KCNC4: variants seen among roughly 807,000 people sequenced by gnomAD.
The protein encoded by KCNC4 is potassium voltage-gated channel subfamily C member 4.
A neutral mutation model predicts 42.8 loss-of-function variants in KCNC4; 23 were observed. The ratio of observed to expected loss-of-function variants is 0.54; its 90% CI spans 0.39 to 0.76. KCNC4 has a LOEUF of 0.76. KCNC4 is among the 30% of genes least tolerant of loss of function. The probability of loss-of-function intolerance (pLI) is 0.00; values close to 1 mark genes in which losing one functional copy is unlikely to be tolerated. For missense variants in KCNC4, 751 were observed against 898.2 expected, an observed-to-expected ratio of 0.84 and a Z score of 2.10; for synonymous variants, 422 against 393.5, an observed-to-expected ratio of 1.07 and a Z score of -0.86.
At chr1:110,241,408 C>T (rs941881933) in exon 4 of KCNC4, 2 of 152,144 alleles carry the variant, frequency 1.3e-5, no homozygotes, top group African/African-American at 4.8e-5. Flanking sequence ...GACCTTCTCT[C>T]AACTTGTGGA....
chr1:110,262,259 A>G (rs1411245932), intron 1 of KCNC4, among the ~76,000 whole-genome samples: 1 of 152,230 alleles, frequency 6.6e-6, no homozygotes. Context: ...TGTGATGCTT[A>G]TTGTATACTG....
chr1:110,232,562 G>A lies in KCNC4; in HGVS notation c.1820-349G>A. 3 of 1,435,198 alleles carry A rather than the reference G, an allele frequency of 2.1e-6. No homozygotes were observed. In the South Asian group the frequency reaches 4.5e-5, roughly 22 times the overall value. The allele number at this position is 1,435,198 out of a possible 1,614,324, so 88.9% of individuals were successfully genotyped here. A position where few individuals can be genotyped will look rare whatever the true frequency, so the allele number is the denominator to read the frequency against. ...CACTGGAGCTTTGAAGACCTAAGAGGCTAGTGGTTCCTGGAGCTAGTGGTT... is the reference window on the plus strand; with the variant it reads ...CACTGGAGCTTTGAAGACCTAAGAGACTAGTGGTTCCTGGAGCTAGTGGTT... On this transcript the variant is annotated intron_variant, in intron 3 of 3. Transcript: ENST00000438661.
intron 1 of KCNC4, among the ~76,000 whole-genome samples, chr1:110,282,376 C>G (rs1659842600): frequency 6.6e-6 from 1 of 152,238 alleles, no homozygotes; most frequent in Admixed American, 6.5e-5. Context: ...CTCTCTGCTT[C>G]TTTCTCTTCC....
intron 2 of KCNC4, chr1:110,225,740 C>T (rs988887585): frequency 1.3e-5 from 7 of 528,816 alleles, no homozygotes; most frequent in Non-Finnish European, 2.0e-5. Flanking sequence ...GTGGCTTCAT[C>T]CCTGAGGAGA....
At chr1:110,259,592 G>T (rs767607190) in intron 1 of KCNC4, among the ~76,000 whole-genome samples, 6 of 152,160 alleles carry the variant, frequency 3.9e-5, no homozygotes, top group Non-Finnish European at 7.4e-5. Context: ...CCAAGAGGCT[G>T]CATTTGGCCT....
rs1447191615 is a variant in KCNC4 at position 110,223,905 on chromosome 1, G to C, written c.1615+5G>C. ...TGATCGAGAGGAAACGGGCAGGTGA[G>C]ATTAGGGGTTGGGAAGGAAAATCCC... On this transcript the variant is annotated splice_donor_5th_base_variant and intron_variant, in intron 2 of 3. Coordinates refer to ENST00000438661, the MANE Select transcript of KCNC4 (RefSeq NM_001039574.3). This position sits in a 1 kb window ranked among gnomAD's most constrained non-coding sequence, Gnocchi z 7.5. The C allele has an allele frequency of 1.3e-6, 2 of 1,578,004 alleles. No individual in the cohort carries two copies. Among genetic ancestry groups the C allele is most frequent in the South Asian group, 2.3e-5 (2 of 85,658 alleles).
At chr1:110,253,323 T>A (rs1659275791), downstream of KCNC4, among the ~76,000 whole-genome samples, 1 of 152,248 alleles carries the variant, frequency 6.6e-6, no homozygotes, top group South Asian at 2.1e-4. Flanking sequence ...CCCTAAAGAA[T>A]AACAACCAAT....
At chr1:110,260,393 A>G (rs1659404030) in intron 1 of KCNC4, among the ~76,000 whole-genome samples, 1 of 152,254 alleles carries the variant, frequency 6.6e-6, no homozygotes. Flanking sequence ...TATATCATCT[A>G]TCAGGTTTCA....
chr1:110,257,353 T>G (rs879554511), intron 1 of KCNC4, among the ~76,000 whole-genome samples: 3 of 152,082 alleles, frequency 2.0e-5, no homozygotes, highest in Admixed American at 1.3e-4. Flanking sequence ...AACTTTTTCT[T>G]TAGTTCAGTC....
chr1:110,227,154 A>G (rs1224540182), intron 3 of KCNC4, among the ~76,000 whole-genome samples: 2 of 152,064 alleles, frequency 1.3e-5, no homozygotes, highest in Non-Finnish European at 2.9e-5. Context: ...AACCAGCTGG[A>G]TTTCCCATCC....
Position 110,214,163 on chromosome 1 carries a change from A to T in KCNC4, c.678+1986A>T, listed in dbSNP as rs4839249. On this transcript the variant is annotated intron_variant, in intron 1 of 3. Coordinates refer to ENST00000438661, the MANE Select transcript of KCNC4 (RefSeq NM_001039574.3). ...TGCTTTGCCCCTTTGACATGGAATC[A>T]CATCAGCCCAGGCATTCCAGTTGAG... is the stretch of plus-strand genomic sequence containing the variant. Among the ~76,000 whole-genome samples the T allele has an allele frequency of 5.7e-3, 870 of 152,362 alleles. 2 individuals are homozygous for T. Among genetic ancestry groups the T allele is most frequent in the Middle Eastern group, 0.014 (4 of 294 alleles).
intron 1 of KCNC4, among the ~76,000 whole-genome samples, chr1:110,275,786 G>A (rs968524723): frequency 1.3e-5 from 2 of 151,680 alleles, no homozygotes; most frequent in African/African-American, 2.4e-5. Context: ...GTGAAACCCC[G>A]TCTCTACTAA....
In KCNC4 at chr1:110,214,879, AGGGTACTATGCCATGC is replaced by A. The variant is rs1657688526; in HGVS notation, c.678+2706_678+2721del. ...TTACTGTATTACCCCTCCAGGCCTG[AGGGTACTATGCCATGC>A]GGGGAGTTCTGGGGCTGCACTTTCC... On this transcript the variant is annotated intron_variant, in intron 1 of 3. Coordinates refer to ENST00000438661, the MANE Select transcript of KCNC4 (RefSeq NM_001039574.3). Among the ~76,000 whole-genome samples, 3 of 152,338 alleles carry A rather than the reference AGGGTACTATGCCATGC, an allele frequency of 2.0e-5. No homozygotes were observed. The South Asian group carries it at 6.2e-4, about 32-fold the overall frequency.
intron 1 of KCNC4, among the ~76,000 whole-genome samples, chr1:110,259,723 G>A (rs1659393576): frequency 6.6e-6 from 1 of 152,172 alleles, no homozygotes; most frequent in South Asian, 2.1e-4. Flanking sequence ...AGGATCTGAG[G>A]TTCTTCTTGA....
chr1:110,231,512 CT>C (rs1658691068), intron 3 of KCNC4, among the ~76,000 whole-genome samples: 2 of 152,276 alleles, frequency 1.3e-5, no homozygotes, highest in South Asian at 4.1e-4. Context: ...CTTGCTGTGA[CT>C]CCTTCTGTCT....
intron 1 of KCNC4, among the ~76,000 whole-genome samples, chr1:110,215,547 T>G (rs1376340602): frequency 6.6e-6 from 1 of 152,234 alleles, no homozygotes; most frequent in Non-Finnish European, 1.5e-5. Context: ...ATCAGCCTTA[T>G]TAAGGATTAC....
chr1:110,211,336 C>T lies in KCNC4; in HGVS notation c.-164C>T. The T allele has an allele frequency of 2.0e-6, 2 of 1,025,456 alleles. No homozygotes were observed. The highest frequency in any genetic ancestry group is 1.4e-6 in the Non-Finnish European group (1 of 722,708). 63.5% of individuals were successfully genotyped at this position (1,025,456 alleles called of 1,614,324 possible). A position where few individuals can be genotyped will look rare whatever the true frequency, so the allele number is the denominator to read the frequency against. On this transcript the variant is annotated 5_prime_UTR_variant, in exon 1 of 4. Coordinates refer to ENST00000438661, the MANE Select transcript of KCNC4 (RefSeq NM_001039574.3). The surrounding 1 kb of genome is among the most constrained non-coding windows in gnomAD (Gnocchi z 6.5). Reference sequence around the variant, plus strand: ...GAGAAATCCAACTCCTCCCGCTCCGCGTCCTAGGGGGATAGGCAGGGGCAA... The same window carrying T: ...GAGAAATCCAACTCCTCCCGCTCCGTGTCCTAGGGGGATAGGCAGGGGCAA...
At chr1:110,258,900 T>C (rs1325951704) in intron 1 of KCNC4, among the ~76,000 whole-genome samples, 1 of 152,200 alleles carries the variant, frequency 6.6e-6, no homozygotes, top group Non-Finnish European at 1.5e-5. Flanking sequence ...TCTCCTCTTG[T>C]CTGGGAGTAC....
chr1:110,253,086 C>A (rs1423107891), downstream of KCNC4, among the ~76,000 whole-genome samples: 2 of 152,190 alleles, frequency 1.3e-5, no homozygotes, highest in Non-Finnish European at 2.9e-5. Context: ...CCCATCTTCT[C>A]AGCCAACTCT....
Sources: allele counts gnomAD v4.1 joint callset (sites outside exome capture counted in the v4.1 genomes callset), GRCh38; gene constraint gnomAD v4.1.1; non-coding constraint Gnocchi (gnomAD v3.1); transcripts MANE v1.5; gene names NCBI Gene and HGNC (gene_info 2026-07-23, HGNC 2026-07-21).